The following GFUS variants were observed in gnomAD, a reference collection of about 807,000 sequenced individuals.
GFUS encodes the protein GDP-L-fucose synthase, also known as 3-5 epimerase/4-reductase.
Under a neutral mutation model 41.5 loss-of-function variants are expected in GFUS, and 42 were observed. The ratio of observed to expected loss-of-function variants is 1.01; its 90% CI spans 0.79 to 1.31. GFUS has a LOEUF of 1.31. Among genes scored for constraint, GFUS ranks in the 50% most tolerant of loss-of-function variants. The probability of loss-of-function intolerance (pLI) is 0.00; values close to 1 mark genes in which losing one functional copy is unlikely to be tolerated. For synonymous variants in GFUS, 188 were observed against 173.4 expected, an observed-to-expected ratio of 1.08 and a Z score of -0.66; for missense variants, 437 against 428.7, an observed-to-expected ratio of 1.02 and a Z score of -0.17.
Position 143,614,218 on chromosome 8 carries a change from C to G in GFUS, c.609G>C (p.Ser203=), listed in dbSNP as rs33966099. The G allele has an allele frequency of 1.6e-5, 26 of 1,613,016 alleles. No individual in the cohort carries two copies. Among genetic ancestry groups the G allele is most frequent in the Non-Finnish European group, 1.4e-5 (17 of 1,179,978 alleles). The part of the protein sequence containing the change: ...HKVHLAKSSG[S]ALTVWGTGNP... ...TCCCTGTACCCCACACCGTCAGGGC[C>G]GAGCCGCTGCCTGCAGATTTGGGGA... The change falls in exon 7 of 11, where the codon TCG becomes TCC. Residue 203 remains serine (S), a synonymous_variant. Transcript: ENST00000425753.
chr8:143,614,845 G>C lies in GFUS; in HGVS notation c.332C>G (p.Ser111Cys). The C allele has an allele frequency of 6.2e-7, 1 of 1,613,762 alleles. No homozygotes were observed. The highest frequency in any genetic ancestry group is 8.5e-7 in the Non-Finnish European group (1 of 1,179,990). ...AFEVGARKVV[S>C]CLSTCIFPDK... ...AGGGAAGATACAGGTGGACAGGCAG[G>C]ACACCACCTTGCGGGCGCCCACCTC... is the stretch of plus-strand genomic sequence containing the variant. The change falls in exon 4 of 11, where the codon TCC becomes TGC. Residue 111 changes from serine (S) to cysteine (C), a missense_variant. Physicochemically the swap from Ser to Cys is moderately radical, Grantham distance 112. Coordinates refer to ENST00000425753, the MANE Select transcript of GFUS (RefSeq NM_003313.4).
At chr8:143,614,259 A>G in intron 6 of GFUS, 31 bp from the exon 7 acceptor site, 1 of 1,613,510 alleles carries the variant, frequency 6.2e-7, no homozygotes, top group East Asian at 2.2e-5. Context: ...CAGGTGTCAG[A>G]GGCACTGGGT....
chr8:143,614,095 C>T (rs755039711), intron 7 of GFUS, 69 bp downstream of exon 7: 5 of 1,595,280 alleles, frequency 3.1e-6, no homozygotes, highest in Non-Finnish European at 3.4e-6. Context: ...CCCCGACAGC[C>T]CAGCAGGGGC....
At position 143,613,519 on chromosome 8, in the gene GFUS, G is replaced by A. The variant is rs1325681280; in HGVS notation, c.810+5C>T. On this transcript the variant is annotated splice_donor_5th_base_variant and intron_variant, in intron 9 of 10. Transcript: ENST00000425753. ...CCAACCCCCAGCACTGGAGCCAGAGGATACGGTGACTTCCCCATGGAAGTC... is the reference window on the plus strand; with the variant it reads ...CCAACCCCCAGCACTGGAGCCAGAGAATACGGTGACTTCCCCATGGAAGTC... 9.9e-6 allele frequency: 16 copies of A among 1,610,380 alleles called. No homozygotes were observed. The highest frequency in any genetic ancestry group is 8.9e-5 in the East Asian group (4 of 44,820).
Position 143,614,814 on chromosome 8 carries a change from C to CT in GFUS, c.362dup (p.Thr122AspfsTer7), listed in dbSNP as rs1829682559. The CT allele has an allele frequency of 6.2e-7, 1 of 1,613,618 alleles. No individual in the cohort carries two copies. Among genetic ancestry groups the CT allele is most frequent in the Non-Finnish European group, 8.5e-7 (1 of 1,180,016 alleles). On this transcript the variant is annotated frameshift_variant, in exon 4 of 11. Coordinates refer to ENST00000425753, the MANE Select transcript of GFUS (RefSeq NM_003313.4). LOFTEE classifies it high-confidence loss of function. ...TGGTCTCATCTATCGGGTAGGTCGT[C>CT]TTGTCAGGGAAGATACAGGTGGACA...
rs1829664160 is a variant in GFUS at position 143,614,352 on chromosome 8, G to A, written c.566C>T (p.Pro189Leu). 6.2e-7 allele frequency: 1 copy of A among 1,613,860 alleles called. No homozygotes were observed. Among genetic ancestry groups the A allele is most frequent in the Non-Finnish European group, 8.5e-7 (1 of 1,179,962 alleles). ...NFNIEDGHVL[P>L]GLIHKVHLAK... The stretch of plus-strand genomic sequence containing the variant: ...CAGGTGCACCTTGTGGATGAGGCCA[G>A]GCAGCACGTGGCCATCCTCGATGTT... The change falls in exon 6 of 11, where the codon CCT becomes CTT. Residue 189 changes from proline (P) to leucine (L), a missense_variant. Pro to Leu is a moderately conservative substitution (Grantham distance 98, BLOSUM62 -3). Transcript: ENST00000425753.
chr8:143,614,429 G>A lies in GFUS; in HGVS notation c.489C>T (p.Cys163=). Residue 163 remains cysteine (C), a synonymous_variant, in exon 6 of 11, where the codon TGC becomes TGT. Coordinates refer to ENST00000425753, the MANE Select transcript of GFUS (RefSeq NM_003313.4). ...QNRAYFQQYG[C]TFTAVIPTNV... ...TGGTGGGGATGACAGCGGTGAAGGT[G>A]CAGCCGTACTGCTGGAAGTAGGCCC... is the stretch of plus-strand genomic sequence containing the variant. 1.2e-6 allele frequency: 2 copies of A among 1,613,624 alleles called. No individual in the cohort carries two copies. Among genetic ancestry groups the A allele is most frequent in the Non-Finnish European group, 1.7e-6 (2 of 1,179,890 alleles).
In GFUS at chr8:143,614,918, G is replaced by A; in HGVS notation, c.262-3C>T. ...TCGTTCATGTGCACGTTTTTCCTCT[G>A]CAGGGGTGAGGCGGGGACAGTTCAG... On this transcript the variant is annotated splice_polypyrimidine_tract_variant and splice_region_variant and intron_variant, in intron 3 of 10. Transcript: ENST00000425753. 1 of 1,601,842 alleles carries A rather than the reference G, an allele frequency of 6.2e-7. No homozygotes were observed. The highest frequency in any genetic ancestry group is 1.3e-5 in the African/African-American group (1 of 74,948).
intron 2 of GFUS, 155 bp from the exon 3 acceptor site, chr8:143,616,375 G>A (rs777055765): frequency 1.1e-5 from 13 of 1,150,466 alleles, no homozygotes; most frequent in Non-Finnish European, 1.7e-5. Flanking sequence ...AGGCTTCCAG[G>A]AAGAGATGGG....
intron 5 of GFUS, 67 bp from the exon 6 acceptor site, chr8:143,614,520 C>T (rs1442216252): frequency 1.3e-6 from 2 of 1,568,648 alleles, no homozygotes; most frequent in African/African-American, 1.3e-5. Context: ...TGCCGCTGGC[C>T]TCTTACTGAG....
chr8:143,614,646 T>G lies in GFUS; in HGVS notation c.442A>C (p.Arg148=). The G allele has an allele frequency of 6.2e-7, 1 of 1,603,990 alleles. No individual in the cohort carries two copies. ...NSNFGYSYAK[R]MIDVQNRAYF... is the part of the protein sequence containing the mutation. ...GACCTGTTCTGCACGTCGATCATCC[T>G]CTTGGCATACGAGTACCCAAAATTG... Residue 148 remains arginine (R), a synonymous_variant, in exon 5 of 11, where the codon AGG becomes CGG. Transcript: ENST00000425753.
At chr8:143,613,362 A>G (rs775307755) in intron 9 of GFUS, 67 bp from the exon 10 acceptor site, 6 of 1,539,452 alleles carry the variant, frequency 3.9e-6, no homozygotes, top group Non-Finnish European at 5.4e-6. Context: ...CTTGCCCTTG[A>G]ACCTCTGCCA....
Position 143,613,880 on chromosome 8 carries a change from T to A in GFUS, c.664-63A>T. ...TAGCCAACCCTCTCCCAAACGCCCC[T>A]GCTGGGGAGTCCATACTGCTGTCCT... On this transcript the variant is annotated intron_variant, in intron 7 of 10. Transcript: ENST00000425753. The A allele has an allele frequency of 1.9e-5, 28 of 1,505,356 alleles. 1 individual carries two copies. The South Asian group carries it at 3.4e-4, about 18-fold the overall frequency. The allele number at this position is 1,505,356 out of a possible 1,614,324, so 93.2% of individuals were successfully genotyped here.
At position 143,612,777 on chromosome 8, in the gene GFUS, G is replaced by C. The variant is rs188304912; in HGVS notation, c.*133C>G. On this transcript the variant is annotated 3_prime_UTR_variant, in exon 11 of 11. Coordinates refer to ENST00000425753, the MANE Select transcript of GFUS (RefSeq NM_003313.4). Reference sequence around the variant, plus strand: ...TGGGGGCCCCACTGGAAAGATGCTTGGGGCTGCAGAGCGGATGGAATGCAG... The same window carrying C: ...TGGGGGCCCCACTGGAAAGATGCTTCGGGCTGCAGAGCGGATGGAATGCAG... 1.2e-3 allele frequency: 1,337 copies of C among 1,146,948 alleles called. 12 individuals are homozygous for C. The African/African-American group carries it at 0.017, about 15-fold the overall frequency. 71.0% of individuals were successfully genotyped at this position (1,146,948 alleles called of 1,614,324 possible). A position where few individuals can be genotyped will look rare whatever the true frequency, so the allele number is the denominator to read the frequency against.
rs374732800 is a variant in GFUS at position 143,612,846 on chromosome 8, C to T, written c.*64G>A. ...TGCCCTCAGCTCCTGGCAGGGTTGACGGGTGGTGGCCGCTGGGCTCTGCCA... is the reference window on the plus strand; with the variant it reads ...TGCCCTCAGCTCCTGGCAGGGTTGATGGGTGGTGGCCGCTGGGCTCTGCCA... On this transcript the variant is annotated 3_prime_UTR_variant, in exon 11 of 11. Transcript: ENST00000425753. 1.7e-5 allele frequency: 26 copies of T among 1,549,146 alleles called. No individual in the cohort carries two copies. The highest frequency in any genetic ancestry group is 1.7e-4 in the Middle Eastern group (1 of 6,006).
At chr8:143,614,578 C>T (rs1829673087) in intron 5 of GFUS, 46 bp downstream of exon 5, 2 of 1,559,400 alleles carry the variant, frequency 1.3e-6, no homozygotes, top group Non-Finnish European at 1.7e-6. Flanking sequence ...CCTGGGGGCC[C>T]TCTCCCCGAC....
At chr8:143,617,097 T>G in intron 1 of GFUS, 2 of 243,376 alleles carry the variant, frequency 8.2e-6, no homozygotes, top group Non-Finnish European at 8.3e-6. Context: ...GCCCGCATGC[T>G]AGGGACAGGC....
intron 3 of GFUS, among the ~76,000 whole-genome samples, chr8:143,615,496 G>A (rs752837975): frequency 4.3e-4 from 65 of 152,336 alleles, no homozygotes; most frequent in Middle Eastern, 3.4e-3. Context: ...GGGCTCTGGG[G>A]TGACAGGGCT....
chr8:143,615,292 C>T (rs1015613064), intron 3 of GFUS, among the ~76,000 whole-genome samples: 18 of 152,168 alleles, frequency 1.2e-4, no homozygotes, highest in African/African-American at 4.3e-4. Flanking sequence ...GTCTACTTCC[C>T]CACCCTGGAG....
Sources: allele counts gnomAD v4.1 joint callset (sites outside exome capture counted in the v4.1 genomes callset), GRCh38; gene constraint gnomAD v4.1.1; transcripts MANE v1.5; gene names NCBI Gene and HGNC (gene_info 2026-07-23, HGNC 2026-07-21).